Variants in ZNF141 observed in about 807,000 individuals in gnomAD.
ZNF141 encodes the protein zinc finger protein 141, also known as zinc finger protein 141 (clone pHZ-44).
ZNF141 carries 7 observed loss-of-function variants against 11.3 expected under a neutral mutation model. The observed-to-expected ratio is 0.62, with a 90% CI of 0.35 to 1.16. ZNF141 has a LOEUF of 1.16. ZNF141 is among the 50% of genes most tolerant of loss of function. The probability of loss-of-function intolerance (pLI) is 0.02; values close to 1 mark genes in which losing one functional copy is unlikely to be tolerated. For missense variants in ZNF141, 535 were observed against 554.0 expected (o/e 0.97, Z 0.34); for synonymous variants, 183 against 190.7 (o/e 0.96, Z 0.33).
chr4:346,103 C>T (rs769893294), intron 3 of ZNF141, among the ~76,000 whole-genome samples: 4 of 152,324 alleles, frequency 2.6e-5, no homozygotes, highest in Admixed American at 6.5e-5. Context: ...AGTAAATTCT[C>T]ACTTAACATT....
chr4:353,989 G>C (rs1328494988), intron 3 of ZNF141, among the ~76,000 whole-genome samples: 1 of 152,180 alleles, frequency 6.6e-6, no homozygotes, highest in African/African-American at 2.4e-5. Flanking sequence ...TGTGCTGAGA[G>C]CACCTCTGCT....
chr4:357,129 C>G (rs574000412), intron 3 of ZNF141, among the ~76,000 whole-genome samples: 1 of 152,136 alleles, frequency 6.6e-6, no homozygotes, highest in Non-Finnish European at 1.5e-5. Context: ...CTAATTTTGT[C>G]AGTGCTTTTT....
At position 378,835 on chromosome 4, in the gene ZNF141, A is replaced by ATTTTTTTTT. The variant is rs570639890; in HGVS notation, c.*4992_*5000dup. 1.1e-4 allele frequency among the ~76,000 whole-genome samples: 9 copies of ATTTTTTTTT among 78,626 alleles called. 1 individual carries two copies. The highest frequency in any genetic ancestry group is 5.2e-4 in the South Asian group (1 of 1,914). 51.6% of individuals were successfully genotyped at this position (78,626 alleles called of 152,430 possible). A position where few individuals can be genotyped will look rare whatever the true frequency, so the allele number is the denominator to read the frequency against. Reference sequence around the variant, plus strand: ...GTTGAATCCAAACAGTTTCTCAGTGATTTTTTTTTTTTTTTTTTTTTTTTT... The same window carrying ATTTTTTTTT: ...GTTGAATCCAAACAGTTTCTCAGTGATTTTTTTTTTTTTTTTTTTTTTTTTTTTTTTTTT... On this transcript the variant is annotated 3_prime_UTR_variant, in exon 4 of 4. Coordinates refer to ENST00000240499, the MANE Select transcript of ZNF141 (RefSeq NM_003441.4).
intron 1 of ZNF141, among the ~76,000 whole-genome samples, chr4:339,444 C>G (rs1720947245): frequency 6.6e-6 from 1 of 152,208 alleles, no homozygotes; most frequent in African/African-American, 2.4e-5. Context: ...CCCACAAATC[C>G]TCTTTCCTGT....
intron 3 of ZNF141, among the ~76,000 whole-genome samples, chr4:346,893 A>ACC (rs781896435): frequency 0.01 from 1,409 of 135,318 alleles, 39 homozygotes; most frequent in Middle Eastern, 0.02. Flanking sequence ...ACACACACAC[A>ACC]CCGCCCCCCC....
In ZNF141 at chr4:373,273, G is replaced by C. The variant is rs1553853919; in HGVS notation, c.836G>C (p.Gly279Ala). The change falls in exon 4 of 4, where the codon GGA (glycine) becomes GCA (alanine). Residue 279 changes from glycine (G) to alanine (A), a missense_variant. Physicochemically the swap from Gly to Ala is moderately conservative, Grantham distance 60. Transcript: ENST00000240499. ...ACTAAACATAAGAGAATTCATGCTG[G>C]AGAGAAACCCATCACATGTGAAGAA... is the stretch of plus-strand genomic sequence containing the variant. ...TLTKHKRIHA[G>A]EKPITCEECR... 1 of 1,613,928 alleles carries C rather than the reference G, an allele frequency of 6.2e-7. No homozygotes were observed. The highest frequency in any genetic ancestry group is 1.1e-5 in the South Asian group (1 of 91,062).
At chr4:339,487 G>A (rs1720949935) in intron 1 of ZNF141, among the ~76,000 whole-genome samples, 1 of 124,864 alleles carries the variant, frequency 8.0e-6, no homozygotes. Flanking sequence ...TCCCTCATGT[G>A]CTACAAGAAT....
chr4:367,916 T>A (rs544765576), intron 3 of ZNF141, among the ~76,000 whole-genome samples: 1 of 152,316 alleles, frequency 6.6e-6, no homozygotes, highest in East Asian at 1.9e-4. Flanking sequence ...ACACGTGCCA[T>A]AAATACTTTT....
At position 378,576 on chromosome 4, in the gene ZNF141, A is replaced by G. The variant is rs996878998; in HGVS notation, c.*4714A>G. On this transcript the variant is annotated 3_prime_UTR_variant, in exon 4 of 4. Transcript: ENST00000240499. ...AGCCACCGTGCCTGGCCAGAATATT[A>G]TATCTTTGAGTGTGAATGTTAAATG... Among the ~76,000 whole-genome samples the G allele has an allele frequency of 7.9e-5, 12 of 152,072 alleles. No homozygotes were observed. Among genetic ancestry groups the G allele is most frequent in the African/African-American group, 2.2e-4 (9 of 41,400 alleles).
chr4:341,791 C>T (rs564189713), intron 1 of ZNF141, among the ~76,000 whole-genome samples: 3 of 152,178 alleles, frequency 2.0e-5, no homozygotes, highest in Non-Finnish European at 2.9e-5. Context: ...CCAGTCTCCT[C>T]TCCAGAGCTG....
At chr4:372,530 T>C in intron 3 of ZNF141, 134 bp from the exon 4 acceptor site, 1 of 721,592 alleles carries the variant, frequency 1.4e-6, no homozygotes, top group Non-Finnish European at 2.1e-6. Flanking sequence ...TGTATATGTC[T>C]GTGAAGAAGT....
intron 3 of ZNF141, among the ~76,000 whole-genome samples, chr4:372,377 A>G (rs1383576782): frequency 6.6e-6 from 1 of 152,188 alleles, no homozygotes; most frequent in East Asian, 1.9e-4. Context: ...GGGAGGAGGA[A>G]GAGCTGTTGG....
Position 358,671 on chromosome 4 carries a change from G to A in ZNF141, c.227-13993G>A, listed in dbSNP as rs147244659. On this transcript the variant is annotated intron_variant, in intron 3 of 3. Transcript: ENST00000240499. Reference sequence around the variant, plus strand: ...CGGCTCACTGCAACCTCCGCCTCCCGGGTTCAAGCAATTCTCCTGTCTCAG... The same window carrying A: ...CGGCTCACTGCAACCTCCGCCTCCCAGGTTCAAGCAATTCTCCTGTCTCAG... 1.2e-3 allele frequency: 180 copies of A among 152,824 alleles called. 2 individuals are homozygous for A. In the East Asian group the frequency reaches 0.032, roughly 28 times the overall value. 9.5% of individuals were successfully genotyped at this position (152,824 alleles called of 1,614,324 possible). A position where few individuals can be genotyped will look rare whatever the true frequency, so the allele number is the denominator to read the frequency against.
rs1167964281 is a variant in ZNF141 at position 380,758 on chromosome 4, C to G, written c.*6896C>G. 1.3e-5 allele frequency among the ~76,000 whole-genome samples: 2 copies of G among 152,088 alleles called. No individual in the cohort carries two copies. Among genetic ancestry groups the G allele is most frequent in the African/African-American group, 4.8e-5 (2 of 41,394 alleles). On this transcript the variant is annotated 3_prime_UTR_variant, in exon 4 of 4. Coordinates refer to ENST00000240499, the MANE Select transcript of ZNF141 (RefSeq NM_003441.4). ...CAGCCATAGAGAAAAATGACTTGCT[C>G]ACAACACAGGCAACTTTGACTCTAG...
In ZNF141 at chr4:374,473, G is replaced by T; in HGVS notation, c.*611G>T. 1 of 308,096 alleles carries T rather than the reference G, an allele frequency of 3.2e-6. No homozygotes were observed. 19.1% of individuals were successfully genotyped at this position (308,096 alleles called of 1,614,324 possible). ...AAACCCTACACATGTAAAGAATGTG[G>T]CAAAGCCTTCAATAGGTTCTCAACC... On this transcript the variant is annotated 3_prime_UTR_variant, in exon 4 of 4. Transcript: ENST00000240499.
At chr4:340,474 G>C (rs1238465535) in intron 1 of ZNF141, among the ~76,000 whole-genome samples, 3 of 152,206 alleles carry the variant, frequency 2.0e-5, no homozygotes, top group Admixed American at 6.5e-5. Context: ...CATAAATCCA[G>C]CGAGGTTCAC....
At chr4:363,660 A>C (rs1553852542) in intron 3 of ZNF141, among the ~76,000 whole-genome samples, 1 of 151,692 alleles carries the variant, frequency 6.6e-6, no homozygotes, top group African/African-American at 2.4e-5. Flanking sequence ...CGGGAGGCTG[A>C]GGCAGGAGAA....
chr4:342,170 G>A (rs1553848574), intron 1 of ZNF141, among the ~76,000 whole-genome samples: 2 of 152,182 alleles, frequency 1.3e-5, no homozygotes, highest in African/African-American at 4.8e-5. Flanking sequence ...CTCCCAGGAT[G>A]TTATGAGAAT....
Position 375,063 on chromosome 4 carries a change from T to C in ZNF141, c.*1201T>C, listed in dbSNP as rs1712297397. On this transcript the variant is annotated 3_prime_UTR_variant, in exon 4 of 4. Transcript: ENST00000240499. ...CAGGATTTTTACCAATGCTCATCTT[T>C]TTGCACATGATATCCTTTATATTCG... 1 of 152,168 alleles carries C rather than the reference T, an allele frequency of 6.6e-6. No individual in the cohort carries two copies. The allele number at this position is 152,168 out of a possible 1,614,324, so 9.4% of individuals were successfully genotyped here.
Sources: allele counts gnomAD v4.1 joint callset (sites outside exome capture counted in the v4.1 genomes callset), GRCh38; gene constraint gnomAD v4.1.1; transcripts MANE v1.5; gene names NCBI Gene and HGNC (gene_info 2026-07-23, HGNC 2026-07-21).